Variants in RANBP2 observed in about 807,000 individuals in gnomAD.
The protein encoded by RANBP2 is RAN binding protein 2, also known as E3 SUMO-protein ligase RanBP2.
A neutral mutation model predicts 303.6 loss-of-function variants in RANBP2; 57 were observed. That is an observed-to-expected ratio of 0.19 (90% CI 0.15 to 0.23). RANBP2 has a LOEUF of 0.23. Among genes scored for constraint, RANBP2 ranks in the 10% least tolerant of loss-of-function variants. RANBP2 has a pLI of 1.00. For synonymous variants in RANBP2, 1,167 were observed against 1,301.5 expected (o/e 0.90, Z 2.23); for missense variants, 3,138 against 3,780.8 (o/e 0.83, Z 4.46).
At chr2:109,250,289 G>A in the RANBP2 span, among the ~76,000 whole-genome samples, 4 of 151,918 alleles carry the variant, frequency 2.6e-5, no homozygotes, top group South Asian at 4.2e-4. Flanking sequence ...AAGACATCTC[G>A]CCCATTGCTG....
chr2:109,033,826 G>A, the RANBP2 span, among the ~76,000 whole-genome samples: 12 of 151,598 alleles, frequency 7.9e-5, no homozygotes, highest in African/African-American at 2.4e-4. Flanking sequence ...TGTGGTGGCG[G>A]GCACCTGTAG....
chr2:108,752,563 G>C (rs1190065620), intron 12 of RANBP2, among the ~76,000 whole-genome samples: 1 of 146,648 alleles, frequency 6.8e-6, no homozygotes. Context: ...ACAAGGTCAG[G>C]AGATCGAGAT....
the RANBP2 span, among the ~76,000 whole-genome samples, chr2:109,415,312 G>A: frequency 6.6e-6 from 1 of 152,232 alleles, no homozygotes; most frequent in Non-Finnish European, 1.5e-5. Flanking sequence ...GGCTAAGCAC[G>A]TGGCCTGAGT....
the RANBP2 span, among the ~76,000 whole-genome samples, chr2:109,093,686 G>GC: frequency 6.6e-6 from 1 of 152,012 alleles, no homozygotes; most frequent in Non-Finnish European, 1.5e-5. Flanking sequence ...TGATATACAA[G>GC]CTATATGTAT....
At chr2:108,806,212 C>G in the RANBP2 span, among the ~76,000 whole-genome samples, 3 of 152,262 alleles carry the variant, frequency 2.0e-5, no homozygotes, top group East Asian at 5.8e-4. Flanking sequence ...TTTGGAATCC[C>G]ACTTTATCCA....
At chr2:108,738,097 A>G (rs1695761953) in intron 6 of RANBP2, among the ~76,000 whole-genome samples, 1 of 148,140 alleles carries the variant, frequency 6.8e-6, no homozygotes, top group East Asian at 2.0e-4. Context: ...TTTTTTTGAG[A>G]CGGAGTCTCG....
At chr2:108,942,020 C>G in the RANBP2 span, among the ~76,000 whole-genome samples, 2 of 152,216 alleles carry the variant, frequency 1.3e-5, no homozygotes, top group African/African-American at 4.8e-5. Context: ...GTGATGGAAA[C>G]TCCACAGGTG....
the RANBP2 span, among the ~76,000 whole-genome samples, chr2:109,134,195 G>T: frequency 5.3e-5 from 8 of 152,218 alleles, no homozygotes; most frequent in African/African-American, 1.9e-4. Flanking sequence ...GGCCCAGAGA[G>T]ATTGATATTT....
At chr2:109,078,077 AATATATATATATATATATAT>A in the RANBP2 span, among the ~76,000 whole-genome samples, 9 of 47,448 alleles carry the variant, frequency 1.9e-4, no homozygotes, top group African/African-American at 2.7e-4. Flanking sequence ...TTGACAGATG[AATATATATATATATATATAT>A]ATATATATAT....
chr2:109,549,108 T>C, the RANBP2 span, among the ~76,000 whole-genome samples: 3 of 152,198 alleles, frequency 2.0e-5, no homozygotes, highest in Non-Finnish European at 4.4e-5. Context: ...TAGGTATGTG[T>C]GTGTGTTTAA....
chr2:109,672,029 TTC>T, the RANBP2 span, among the ~76,000 whole-genome samples: 4 of 152,324 alleles, frequency 2.6e-5, no homozygotes, highest in East Asian at 7.7e-4. Context: ...GTCTTTTGTT[TTC>T]TTTTTCCCAA....
At chr2:109,265,965 G>A in the RANBP2 span, among the ~76,000 whole-genome samples, 41 of 152,186 alleles carry the variant, frequency 2.7e-4, no homozygotes, top group Non-Finnish European at 5.7e-4. Flanking sequence ...GAAATCCTTG[G>A]GAGCCCAGAC....
the RANBP2 span, among the ~76,000 whole-genome samples, chr2:108,802,500 A>C: frequency 6.9e-6 from 1 of 145,446 alleles, no homozygotes; most frequent in East Asian, 2.0e-4. Flanking sequence ...ACTTTGCTGA[A>C]GTTGCTTATC....
intron 1 of RANBP2, among the ~76,000 whole-genome samples, chr2:108,725,373 CTACTT>C (rs577918627): frequency 0.023 from 3,523 of 152,200 alleles, 132 homozygotes; most frequent in African/African-American, 0.081. Context: ...TTAAGATTGT[CTACTT>C]TAATAACATA....
At chr2:108,954,872 C>T in the RANBP2 span, among the ~76,000 whole-genome samples, 6 of 151,930 alleles carry the variant, frequency 3.9e-5, no homozygotes, top group African/African-American at 9.7e-5. Flanking sequence ...TTAATTGAGA[C>T]GGGATTTCAC....
the RANBP2 span, among the ~76,000 whole-genome samples, chr2:109,484,812 G>C: frequency 9.8e-5 from 15 of 152,292 alleles, no homozygotes; most frequent in Admixed American, 3.9e-4. Context: ...GTTTATTTCT[G>C]TGCTTTCCTG....
chr2:109,500,579 G>A, the RANBP2 span, among the ~76,000 whole-genome samples: 1 of 152,202 alleles, frequency 6.6e-6, no homozygotes, highest in Admixed American at 6.5e-5. Context: ...CCTTATTGAT[G>A]TTGATGTTGT....
chr2:109,486,011 G>C, the RANBP2 span, among the ~76,000 whole-genome samples: 1 of 152,240 alleles, frequency 6.6e-6, no homozygotes, highest in African/African-American at 2.4e-5. Context: ...CAGTGTGTGC[G>C]CTCCAGCCAG....
chr2:109,274,748 A>G, the RANBP2 span, among the ~76,000 whole-genome samples: 112,048 of 152,066 alleles, frequency 0.74, 41,967 homozygotes, highest in East Asian at 0.9. Context: ...AAATGCCATT[A>G]AATTGTTCAC....
Sources: allele counts gnomAD v4.1 joint callset (sites outside exome capture counted in the v4.1 genomes callset), GRCh38; gene constraint gnomAD v4.1.1; transcripts MANE v1.5; gene names NCBI Gene and HGNC (gene_info 2026-07-23, HGNC 2026-07-21).